SETBP1: variants seen among roughly 807,000 people sequenced by gnomAD.
SETBP1 encodes SET-binding protein.
SETBP1 carries 9 observed loss-of-function variants against 101.0 expected under a neutral mutation model. That is an observed-to-expected ratio of 0.09 (90% CI 0.05 to 0.16). SETBP1 has a LOEUF of 0.16. Ranked by LOEUF, SETBP1 falls within the 10% of genes least tolerant of loss-of-function variation. SETBP1 has a pLI of 1.00. For synonymous variants in SETBP1, 818 were observed against 788.5 expected (o/e 1.04, Z -0.63); for missense variants, 1,858 against 2,033.8 (o/e 0.91, Z 1.66).
At chr18:44,771,198 T>A (rs1339726278) in intron 2 of SETBP1, among the ~76,000 whole-genome samples, 1 of 151,004 alleles carries the variant, frequency 6.6e-6, no homozygotes, top group African/African-American at 2.4e-5. Flanking sequence ...AACTTCAGGA[T>A]CTACTAGGAG....
chr18:44,762,627 T>C (rs2070679398), intron 2 of SETBP1, among the ~76,000 whole-genome samples: 1 of 152,192 alleles, frequency 6.6e-6, no homozygotes, highest in African/African-American at 2.4e-5. Flanking sequence ...GGTCAAGAGT[T>C]TCCCATTGAG....
At chr18:45,020,689 G>A (rs2073042191) in intron 4 of SETBP1, among the ~76,000 whole-genome samples, 1 of 152,122 alleles carries the variant, frequency 6.6e-6, no homozygotes, top group Admixed American at 6.6e-5. Context: ...AGTGAGTCTG[G>A]AAATCCCATG....
chr18:44,915,876 T>C (rs557052752), intron 3 of SETBP1, among the ~76,000 whole-genome samples: 47 of 152,354 alleles, frequency 3.1e-4, no homozygotes, highest in Middle Eastern at 3.4e-3. Context: ...AGATGTTCCA[T>C]ATCACACACT....
At chr18:44,809,518 T>C (rs1163349788) in intron 2 of SETBP1, among the ~76,000 whole-genome samples, 2 of 152,130 alleles carry the variant, frequency 1.3e-5, no homozygotes, top group African/African-American at 2.4e-5. Context: ...GGAAGGGATA[T>C]ATGGGGAACC....
intron 5 of SETBP1, among the ~76,000 whole-genome samples, chr18:45,045,599 A>G (rs1286733481): frequency 6.6e-6 from 1 of 151,968 alleles, no homozygotes; most frequent in South Asian, 2.1e-4. Context: ...TCTACACACC[A>G]CACATGGGCC....
chr18:44,908,253 G>T (rs973764216), intron 3 of SETBP1, among the ~76,000 whole-genome samples: 1 of 151,846 alleles, frequency 6.6e-6, no homozygotes, highest in African/African-American at 2.4e-5. Context: ...TGGAGACAGG[G>T]TTTCACCAAC....
At position 44,978,745 on chromosome 18, in the gene SETBP1, T is replaced by C. The variant is rs148794350; in HGVS notation, c.4000+25405T>C. Among the ~76,000 whole-genome samples, 309 of 152,282 alleles carry C rather than the reference T, an allele frequency of 2.0e-3. 2 individuals are homozygous for C. Among genetic ancestry groups the C allele is most frequent in the African/African-American group, 7.2e-3 (298 of 41,552 alleles). ...AGAGATGTATGTTTCCCAAGCCCTG[T>C]TCTGTTTCCTGCACTGCAGACATGG... On this transcript the variant is annotated intron_variant, in intron 4 of 5. Transcript: ENST00000649279.
intron 2 of SETBP1, among the ~76,000 whole-genome samples, chr18:44,868,198 A>G (rs2144672743): frequency 6.6e-6 from 1 of 152,364 alleles, no homozygotes; most frequent in East Asian, 1.9e-4. Flanking sequence ...AGGTGCAGAA[A>G]GTACATATAA....
chr18:45,028,621 C>T (rs1285612004), intron 4 of SETBP1, among the ~76,000 whole-genome samples: 1 of 152,168 alleles, frequency 6.6e-6, no homozygotes, highest in Non-Finnish European at 1.5e-5. Context: ...GTTTACAGTC[C>T]CACCAACAGT....
At position 44,950,931 on chromosome 18, in the gene SETBP1, A is replaced by C. The variant is rs1430736043; in HGVS notation, c.1591A>C (p.Arg531=). ...GCATCCAAAATTTGCTGCAAAACGA[A>C]GGTGGACTTGCAGCAAACCAAAACC... ...IQHPKFAAKR[R]WTCSKPKPST... Residue 531 remains arginine (R), a synonymous_variant, in exon 4 of 6, where the codon AGG becomes CGG. Coordinates refer to ENST00000649279, the MANE Select transcript of SETBP1 (RefSeq NM_015559.3). 9 of 1,614,140 alleles carry C rather than the reference A, an allele frequency of 5.6e-6. No individual in the cohort carries two copies. The highest frequency in any genetic ancestry group is 1.1e-5 in the South Asian group (1 of 91,078).
At chr18:44,752,304 G>A (rs974173211) in intron 2 of SETBP1, among the ~76,000 whole-genome samples, 1 of 152,184 alleles carries the variant, frequency 6.6e-6, no homozygotes, top group Non-Finnish European at 1.5e-5. Context: ...GGTCAGTGCT[G>A]GGATGAGCCC....
intron 3 of SETBP1, among the ~76,000 whole-genome samples, chr18:44,889,255 G>A (rs543737033): frequency 1.3e-4 from 20 of 152,062 alleles, no homozygotes; most frequent in Non-Finnish European, 2.6e-4. Context: ...CATTTTTCTT[G>A]CCAAACCAGG....
intron 2 of SETBP1, among the ~76,000 whole-genome samples, chr18:44,780,105 C>T (rs2071094963): frequency 6.6e-6 from 1 of 152,128 alleles, no homozygotes; most frequent in Non-Finnish European, 1.5e-5. Flanking sequence ...CCCAACTGTG[C>T]AGTCATCTGG....
At chr18:44,935,358 G>A (rs747181484) in intron 3 of SETBP1, among the ~76,000 whole-genome samples, 6 of 152,104 alleles carry the variant, frequency 3.9e-5, no homozygotes, top group East Asian at 1.9e-4. Flanking sequence ...GGAAACATGC[G>A]GTAAAGAGGA....
At position 44,725,563 on chromosome 18, in the gene SETBP1, A is replaced by G. The variant is rs182227195; in HGVS notation, c.486+23731A>G. Among the ~76,000 whole-genome samples, 27 of 152,318 alleles carry G rather than the reference A, an allele frequency of 1.8e-4. No individual in the cohort carries two copies. The East Asian group carries it at 4.8e-3, about 27-fold the overall frequency. ...ATTTTGTTTTCTAGGCTGACAGTGA[A>G]TAGCACTGATGGTTTATTCACCAGG... On this transcript the variant is annotated intron_variant, in intron 2 of 5. Coordinates refer to ENST00000649279, the MANE Select transcript of SETBP1 (RefSeq NM_015559.3).
rs372176439 is a variant in SETBP1 at position 44,737,628 on chromosome 18, C to G, written c.486+35796C>G. Among the ~76,000 whole-genome samples, 67 of 152,334 alleles carry G rather than the reference C, an allele frequency of 4.4e-4. No individual in the cohort carries two copies. In the East Asian group the frequency reaches 6.6e-3, roughly 15 times the overall value. ...GTGTAACCTTAGAAGGGTCACTTCA[C>G]TAGGCCTGACTTCTGTCTGTAGGAT... On this transcript the variant is annotated intron_variant, in intron 2 of 5. Transcript: ENST00000649279.
chr18:44,718,143 C>A (rs1032864866), intron 2 of SETBP1, among the ~76,000 whole-genome samples: 4 of 152,206 alleles, frequency 2.6e-5, no homozygotes, highest in African/African-American at 7.2e-5. Context: ...GAAAACAAGT[C>A]TTGCCTGAAG....
intron 4 of SETBP1, among the ~76,000 whole-genome samples, chr18:44,973,768 T>C (rs1445624327): frequency 2.6e-5 from 4 of 152,154 alleles, no homozygotes; most frequent in Non-Finnish European, 1.5e-5. Context: ...GGGCATGATG[T>C]GCAGGGATAG....
At chr18:44,779,949 CGCACACACGCAT>C (rs1016816764) in intron 2 of SETBP1, among the ~76,000 whole-genome samples, 18 of 151,784 alleles carry the variant, frequency 1.2e-4, no homozygotes, top group East Asian at 1.9e-4. Flanking sequence ...CACACACGCA[CGCACACACGCAT>C]GCACACACAC....
Sources: allele counts gnomAD v4.1 joint callset (sites outside exome capture counted in the v4.1 genomes callset), GRCh38; gene constraint gnomAD v4.1.1; transcripts MANE v1.5; gene names NCBI Gene and HGNC (gene_info 2026-07-23, HGNC 2026-07-21).